The following NSD1 variants were observed in gnomAD, a reference collection of about 807,000 sequenced individuals.
NSD1 encodes the protein nuclear receptor binding SET domain protein 1.
In NSD1, 26 loss-of-function variants were observed where a neutral mutation model predicts 242.7. The observed-to-expected ratio is 0.11, with a 90% CI of 0.08 to 0.15. The LOEUF (loss-of-function observed/expected upper bound fraction) is 0.15. Among genes scored for constraint, NSD1 ranks in the 10% least tolerant of loss-of-function variants. The pLI is 1.00. For synonymous variants in NSD1, 1,106 were observed against 1,178.1 expected (o/e 0.94, Z 1.25); for missense variants, 2,495 against 3,272.8 (o/e 0.76, Z 5.80).
chr5:177,169,198 G>GACCA (rs1200767214), intron 2 of NSD1, among the ~76,000 whole-genome samples: 2 of 152,120 alleles, frequency 1.3e-5, no homozygotes, highest in African/African-American at 4.8e-5. Context: ...AAGTGCTTTG[G>GACCA]AGCTGCTGCT....
intron 2 of NSD1, among the ~76,000 whole-genome samples, chr5:177,141,333 T>A (rs531976713): frequency 0.02 from 2,748 of 140,496 alleles, 104 homozygotes; most frequent in Non-Finnish European, 0.03. Context: ...TTTTTTTTTT[T>A]TTTTTTTTTT....
intron 16 of NSD1, among the ~76,000 whole-genome samples, chr5:177,270,154 A>AGTCTTGTCTT (rs35874885): frequency 0.22 from 32,615 of 150,446 alleles, 3,648 homozygotes; most frequent in South Asian, 0.25. Flanking sequence ...TGCTCCAAGG[A>AGTCTTGTCTT]GTCTTGTCTT....
intron 2 of NSD1, among the ~76,000 whole-genome samples, chr5:177,178,077 A>G (rs1309989082): frequency 1.3e-5 from 2 of 151,752 alleles, no homozygotes; most frequent in African/African-American, 2.4e-5. Flanking sequence ...TTGTATTTTT[A>G]GTAGAGACAG....
At position 177,297,419 on chromosome 5, in the gene NSD1, TTAAG is replaced by T. The variant is rs2127289398; in HGVS notation, c.*1963_*1966del. The stretch of plus-strand genomic sequence containing the variant: ...ACCGAGAACATTAAAGTTCATTATA[TTAAG>T]TATTTATCATGTGTGAGAATAATAA... On this transcript the variant is annotated 3_prime_UTR_variant, in exon 23 of 23. Transcript: ENST00000439151. 2 of 229,052 alleles carry T rather than the reference TTAAG, an allele frequency of 8.7e-6. No individual in the cohort carries two copies. The highest frequency in any genetic ancestry group is 2.2e-5 in the African/African-American group (1 of 45,204). 14.2% of individuals were successfully genotyped at this position (229,052 alleles called of 1,614,324 possible).
intron 2 of NSD1, among the ~76,000 whole-genome samples, chr5:177,181,427 G>GTTTTTTTTTTTTTTTT (rs34848476): frequency 1.7e-5 from 2 of 117,334 alleles, no homozygotes; most frequent in Non-Finnish European, 1.7e-5. Context: ...TTTTTTTTTG[G>GTTTTTTTTTTTTTTTT]TTTTTTTTTT....
At chr5:177,284,962 A>C (rs1423341750) in intron 20 of NSD1, among the ~76,000 whole-genome samples, 3 of 152,104 alleles carry the variant, frequency 2.0e-5, no homozygotes, top group Non-Finnish European at 4.4e-5. Flanking sequence ...AAAACAACAA[A>C]AACCTCTCAA....
In NSD1 at chr5:177,173,126, A is replaced by C. The variant is rs186384678; in HGVS notation, c.928-18758A>C. The stretch of plus-strand genomic sequence containing the variant: ...GGCTAACACAGTAAAACCTGTCTCT[A>C]CTAAAAATACAAAAAATTAGCCGGG... On this transcript the variant is annotated intron_variant, in intron 2 of 22. Transcript: ENST00000439151. Among the ~76,000 whole-genome samples the C allele has an allele frequency of 5.7e-3, 862 of 151,612 alleles. 11 individuals are homozygous for C. Among genetic ancestry groups the C allele is most frequent in the African/African-American group, 0.02 (817 of 41,344 alleles).
chr5:177,141,219 A>G (rs1756784050), intron 2 of NSD1, among the ~76,000 whole-genome samples: 1 of 144,970 alleles, frequency 6.9e-6, no homozygotes, highest in Admixed American at 7.0e-5. Context: ...ACGGGGTTTC[A>G]CCATCTTGGC....
chr5:177,225,408 G>A (rs1764560409), intron 5 of NSD1, among the ~76,000 whole-genome samples: 1 of 152,152 alleles, frequency 6.6e-6, no homozygotes, highest in South Asian at 2.1e-4. Context: ...CTCCCAAAGT[G>A]CTGGGATTAC....
Position 177,211,311 on chromosome 5 carries a change from G to A in NSD1, c.2912G>A (p.Gly971Asp), listed in dbSNP as rs371226812. ...STHNSEKKGD[G>D]TQNSANPSPS... The stretch of plus-strand genomic sequence containing the variant: ...CACAATTCAGAGAAAAAGGGAGATG[G>A]CACTCAGAACTCCGCCAATCCTAGC... The change falls in exon 5 of 23, where the codon GGC (glycine) becomes GAC (aspartate). Residue 971 changes from glycine to aspartate, a missense_variant. Gly to Asp is a moderately conservative substitution (Grantham distance 94, BLOSUM62 -1). Around this residue, in one of 19 missense-constraint regions of NSD1, gnomAD observed 426 missense variants for 411.4 expected, o/e 1.04. Coordinates refer to ENST00000439151, the MANE Select transcript of NSD1 (RefSeq NM_022455.5). 1 of 1,614,098 alleles carries A rather than the reference G, an allele frequency of 6.2e-7. No homozygotes were observed. The highest frequency in any genetic ancestry group is 2.2e-5 in the East Asian group (1 of 44,870).
At chr5:177,197,033 G>A (rs1016908175) in intron 3 of NSD1, among the ~76,000 whole-genome samples, 1 of 152,172 alleles carries the variant, frequency 6.6e-6, no homozygotes, top group Non-Finnish European at 1.5e-5. Context: ...TTGGGAATCC[G>A]AGGCGGGCGG....
At chr5:177,160,292 GT>G (rs913853992) in intron 2 of NSD1, among the ~76,000 whole-genome samples, 7 of 150,496 alleles carry the variant, frequency 4.7e-5, no homozygotes, top group Admixed American at 1.3e-4. Context: ...TTTTTAATGT[GT>G]TTTTTTTTCT....
rs892738403 is a variant in NSD1, at chr5:177,256,358, A to G, written c.4766-593A>G. ...GAGTGCACTGGTGTGATCTCAGCTC[A>G]GTAAACCTCCACCTTCCAGGCTCAA... On this transcript the variant is annotated intron_variant, in intron 12 of 22. Coordinates refer to ENST00000439151, the MANE Select transcript of NSD1 (RefSeq NM_022455.5). Among the ~76,000 whole-genome samples, 6 of 142,358 alleles carry G rather than the reference A, an allele frequency of 4.2e-5. No homozygotes were observed. In the South Asian group the frequency reaches 1.1e-3, roughly 26 times the overall value. 93.4% of individuals were successfully genotyped at this position (142,358 alleles called of 152,430 possible).
intron 14 of NSD1, chr5:177,265,587 C>CA: frequency 7.8e-7 from 1 of 1,287,790 alleles, no homozygotes; most frequent in South Asian, 1.2e-5. Context: ...ATCCTGTAGT[C>CA]TGTGGAGCAG....
intron 5 of NSD1, among the ~76,000 whole-genome samples, chr5:177,217,805 T>C (rs1763903668): frequency 6.6e-6 from 1 of 151,640 alleles, no homozygotes; most frequent in Admixed American, 6.6e-5. Context: ...GTAGATGGGA[T>C]TACAGGCGCC....
intron 2 of NSD1, among the ~76,000 whole-genome samples, chr5:177,160,683 A>G (rs1758678644): frequency 6.6e-6 from 1 of 152,156 alleles, no homozygotes; most frequent in African/African-American, 2.4e-5. Flanking sequence ...GAAAATTGCT[A>G]ACATTAACTG....
chr5:177,140,843 A>G (rs1168825363), intron 2 of NSD1, among the ~76,000 whole-genome samples: 1 of 152,096 alleles, frequency 6.6e-6, no homozygotes, highest in African/African-American at 2.4e-5. Flanking sequence ...ATGATGTCTA[A>G]GGCTTATAGT....
At position 177,299,075 on chromosome 5, in the gene NSD1, A is replaced by G. The variant is rs1209594569; in HGVS notation, c.*3616A>G. 5 of 232,980 alleles carry G rather than the reference A, an allele frequency of 2.1e-5. No individual in the cohort carries two copies. Among genetic ancestry groups the G allele is most frequent in the East Asian group, 1.8e-4 (3 of 16,584 alleles). The allele number at this position is 232,980 out of a possible 1,614,324, so 14.4% of individuals were successfully genotyped here. On this transcript the variant is annotated 3_prime_UTR_variant, in exon 23 of 23. Transcript: ENST00000439151. ...TTGCTGTGGGAGCCTGTCATTGGCTATGGCCAGTTAGTTCTCAGCTGAGCT... is the reference window on the plus strand; with the variant it reads ...TTGCTGTGGGAGCCTGTCATTGGCTGTGGCCAGTTAGTTCTCAGCTGAGCT...
At chr5:177,143,203 T>G (rs969161950) in intron 2 of NSD1, among the ~76,000 whole-genome samples, 1 of 152,190 alleles carries the variant, frequency 6.6e-6, no homozygotes, top group Non-Finnish European at 1.5e-5. Flanking sequence ...TTGGTTGGTT[T>G]TTTTTCTTTT....
Sources: gnomAD v4.1 joint callset for allele counts (sites outside exome capture counted in the v4.1 genomes callset) on GRCh38, gnomAD v4.1.1 for gene constraint, gnomAD v4.1.1 regional missense constraint, MANE v1.5 for transcripts, NCBI Gene and HGNC (gene_info 2026-07-23, HGNC 2026-07-21) for gene names.